Variants in FHIP1A observed in about 807,000 individuals in gnomAD.
FHIP1A encodes the protein FHF complex subunit HOOK-interacting protein 1A.
In FHIP1A, 61 loss-of-function variants were observed where a neutral mutation model predicts 88.6. The observed-to-expected ratio is 0.69, with a 90% CI of 0.56 to 0.85. The LOEUF (loss-of-function observed/expected upper bound fraction) is 0.85, where lower values mean the gene tolerates loss of function less well. Among genes scored for constraint, FHIP1A ranks in the 40% least tolerant of loss-of-function variants. FHIP1A has a pLI of 0.00. For synonymous variants in FHIP1A, 478 were observed against 496.0 expected (o/e 0.96, Z 0.48); for missense variants, 1,154 against 1,273.5 (o/e 0.91, Z 1.43).
At chr4:151,519,984 C>T (rs1293012508) in intron 3 of FHIP1A, among the ~76,000 whole-genome samples, 1 of 152,062 alleles carries the variant, frequency 6.6e-6, no homozygotes, top group African/African-American at 2.4e-5. Context: ...ATTCAGATAC[C>T]AGTTCTTTGT....
intron 1 of FHIP1A, 118 bp downstream of exon 1, chr4:151,409,583 C>T: frequency 6.6e-6 from 1 of 152,576 alleles, no homozygotes. Context: ...GCAGGGGGTG[C>T]GGGCATTGGG....
rs566601407 is a variant in FHIP1A, at chr4:151,566,129, C to T, written c.-122-9C>T. On this transcript the variant is annotated splice_polypyrimidine_tract_variant and intron_variant, in intron 3 of 13. Coordinates refer to ENST00000435205, the MANE Select transcript of FHIP1A (RefSeq NM_001109977.3). ...AATAAAATTCATTTTTTTATTATTG[C>T]CATTACAGGTTTTGGAAGGTGACAA... is the stretch of plus-strand genomic sequence containing the variant. The T allele has an allele frequency of 2.1e-5, 11 of 516,956 alleles. No individual in the cohort carries two copies. The highest frequency in any genetic ancestry group is 1.2e-4 in the South Asian group (4 of 34,536). 32.0% of individuals were successfully genotyped at this position (516,956 alleles called of 1,614,324 possible).
chr4:151,420,429 A>G (rs1235340847), intron 1 of FHIP1A, among the ~76,000 whole-genome samples: 2 of 151,968 alleles, frequency 1.3e-5, no homozygotes, highest in African/African-American at 4.8e-5. Context: ...AACACACCCT[A>G]CCTCTTCCTT....
At chr4:151,476,243 G>A (rs916357035) in intron 2 of FHIP1A, among the ~76,000 whole-genome samples, 1 of 144,950 alleles carries the variant, frequency 6.9e-6, no homozygotes, top group Non-Finnish European at 1.5e-5. Flanking sequence ...CTGGGCTCAA[G>A]CAATGCTCCC....
rs1364564398 is a variant in FHIP1A at position 151,668,956 on chromosome 4, A to C, written c.*6202A>C. 6.6e-6 allele frequency among the ~76,000 whole-genome samples: 1 copy of C among 152,100 alleles called. No homozygotes were observed. The highest frequency in any genetic ancestry group is 1.5e-5 in the Non-Finnish European group (1 of 68,018). ...GCCTACAGGTGTGTGGATTCCTGAG[A>C]CAGATGGCAATGGCATCACCTGTGG... On this transcript the variant is annotated 3_prime_UTR_variant, in exon 14 of 14. Coordinates refer to ENST00000435205, the MANE Select transcript of FHIP1A (RefSeq NM_001109977.3).
chr4:151,545,369 CTTT>C (rs569126288), intron 3 of FHIP1A, among the ~76,000 whole-genome samples: 32 of 81,682 alleles, frequency 3.9e-4, no homozygotes, highest in African/African-American at 6.1e-4. Context: ...CCTTATCCTT[CTTT>C]TTTTTTTTTT....
intron 7 of FHIP1A, among the ~76,000 whole-genome samples, chr4:151,591,980 C>G (rs574435025): frequency 6.6e-6 from 1 of 152,092 alleles, no homozygotes; most frequent in Non-Finnish European, 1.5e-5. Flanking sequence ...GGGTATATAC[C>G]CAGTAATGGG....
intron 3 of FHIP1A, among the ~76,000 whole-genome samples, chr4:151,541,355 T>C (rs941557009): frequency 1.3e-5 from 2 of 152,216 alleles, no homozygotes; most frequent in African/African-American, 4.8e-5. Context: ...GGAGTAAAAT[T>C]GCCTGGCCTG....
At chr4:151,545,997 T>G (rs1002917501) in intron 3 of FHIP1A, among the ~76,000 whole-genome samples, 8 of 152,140 alleles carry the variant, frequency 5.3e-5, no homozygotes. Context: ...AAGTGTCACT[T>G]CTGGGTGTGT....
Position 151,577,763 on chromosome 4 carries a change from T to C in FHIP1A, c.419T>C (p.Leu140Pro). The change falls in exon 5 of 14, where the codon CTG (leucine) becomes CCG (proline). Residue 140 changes from leucine (L) to proline (P), a missense_variant. Coordinates refer to ENST00000435205, the MANE Select transcript of FHIP1A (RefSeq NM_001109977.3). Reference protein sequence around the residue: ...HQPLLHHKPILKPLMMLLSSC... With the variant: ...HQPLLHHKPIPKPLMMLLSSC... ...CCTCTGCTGCACCACAAACCCATTC[T>C]GAAGCCTCTGATGATGTTGCTGAGC... is the stretch of plus-strand genomic sequence containing the variant. The C allele has an allele frequency of 1.3e-6, 2 of 1,551,986 alleles. No homozygotes were observed.
At chr4:151,497,315 A>G (rs1580634525) in intron 3 of FHIP1A, among the ~76,000 whole-genome samples, 1 of 152,308 alleles carries the variant, frequency 6.6e-6, no homozygotes, top group Non-Finnish European at 1.5e-5. Context: ...TATTTATTCG[A>G]AGAGTGGGAA....
At chr4:151,642,708 A>C (rs1323201441) in intron 9 of FHIP1A, among the ~76,000 whole-genome samples, 2 of 152,084 alleles carry the variant, frequency 1.3e-5, no homozygotes, top group African/African-American at 2.4e-5. Context: ...AGCATAGGGC[A>C]ATATGTATGC....
At chr4:151,493,645 C>T (rs974178577) in intron 3 of FHIP1A, among the ~76,000 whole-genome samples, 2 of 152,172 alleles carry the variant, frequency 1.3e-5, no homozygotes, top group Non-Finnish European at 2.9e-5. Context: ...GGATTTCATA[C>T]CAGGGATGCA....
At chr4:151,662,322 G>A (rs1298936340) in intron 13 of FHIP1A, among the ~76,000 whole-genome samples, 179 bp from the exon 14 acceptor site, 2 of 152,184 alleles carry the variant, frequency 1.3e-5, no homozygotes, top group African/African-American at 4.8e-5. Context: ...TATCTGTTGG[G>A]CAAATATGTG....
At chr4:151,471,591 G>C (rs1293959139) in intron 2 of FHIP1A, among the ~76,000 whole-genome samples, 1 of 151,902 alleles carries the variant, frequency 6.6e-6, no homozygotes, top group Non-Finnish European at 1.5e-5. Context: ...TCACAATATG[G>C]TAAACACATG....
At chr4:151,579,964 T>G (rs988053800) in intron 5 of FHIP1A, among the ~76,000 whole-genome samples, 2 of 152,210 alleles carry the variant, frequency 1.3e-5, no homozygotes, top group Admixed American at 6.5e-5. Flanking sequence ...AGTCTGTGTT[T>G]CCTATGAATG....
chr4:151,653,781 A>G (rs550501332), intron 11 of FHIP1A, among the ~76,000 whole-genome samples: 1 of 152,110 alleles, frequency 6.6e-6, no homozygotes, highest in African/African-American at 2.4e-5. Flanking sequence ...CACGGAATCA[A>G]TGGCCGCTCC....
At chr4:151,657,007 T>A in intron 13 of FHIP1A, 109 bp downstream of exon 13, 1 of 1,118,438 alleles carries the variant, frequency 8.9e-7, no homozygotes, top group Non-Finnish European at 1.2e-6. Context: ...CTAGAAGCAT[T>A]CAGAGATATT....
At chr4:151,489,328 A>G (rs769483576) in intron 3 of FHIP1A, among the ~76,000 whole-genome samples, 5 of 152,206 alleles carry the variant, frequency 3.3e-5, no homozygotes, top group Non-Finnish European at 7.3e-5. Flanking sequence ...CTGGCCTTAT[A>G]TCACAGGGGT....
Sources: allele counts gnomAD v4.1 joint callset (sites outside exome capture counted in the v4.1 genomes callset), GRCh38; gene constraint gnomAD v4.1.1; transcripts MANE v1.5; gene names NCBI Gene and HGNC (gene_info 2026-07-23, HGNC 2026-07-21).